The following IQCJ variants were observed in gnomAD, a reference collection of about 807,000 sequenced individuals.
The protein encoded by IQCJ is IQ motif containing J, also known as IQ domain-containing protein J.
In IQCJ, 9 loss-of-function variants were observed where a neutral mutation model predicts 11.0. The ratio of observed to expected loss-of-function variants is 0.82; its 90% confidence interval spans 0.49 to 1.43. The LOEUF (loss-of-function observed/expected upper bound fraction) is 1.43, where lower values mean the gene tolerates loss of function less well. Among genes scored for constraint, IQCJ ranks in the 40% most tolerant of loss-of-function variants. The pLI is 0.00. For missense variants in IQCJ, 146 were observed against 133.2 expected, an observed-to-expected ratio of 1.10 and a Z score of -0.47; for synonymous variants, 55 against 51.3, an observed-to-expected ratio of 1.07 and a Z score of -0.31.
intron 1 of IQCJ, among the ~76,000 whole-genome samples, chr3:159,114,137 G>A (rs1355895889): frequency 6.6e-6 from 1 of 152,160 alleles, no homozygotes; most frequent in Non-Finnish European, 1.5e-5. Context: ...TTTCTGAGTT[G>A]AGGAAGGATG....
chr3:159,144,211 T>C (rs1256550479), intron 1 of IQCJ, among the ~76,000 whole-genome samples: 1 of 152,214 alleles, frequency 6.6e-6, no homozygotes, highest in Non-Finnish European at 1.5e-5. Context: ...ATAGATGAAG[T>C]GACCCAAAGA....
At position 159,166,910 on chromosome 3, in the gene IQCJ, T is replaced by C. The variant is rs1428190217; in HGVS notation, c.10-78933T>C. 5.9e-5 allele frequency among the ~76,000 whole-genome samples: 9 copies of C among 152,322 alleles called. No homozygotes were observed. The South Asian group carries it at 1.0e-3, about 18-fold the overall frequency. On this transcript the variant is annotated intron_variant, in intron 1 of 3. Transcript: ENST00000397832. ...TGGTAAGCTGGGGTAGATACTGTTA[T>C]GGGGCATGTGTCTAATGCATCTGCA...
intron 1 of IQCJ, among the ~76,000 whole-genome samples, chr3:159,073,102 A>G (rs1254814555): frequency 2.0e-5 from 3 of 152,104 alleles, no homozygotes; most frequent in Admixed American, 6.6e-5. Flanking sequence ...ACCCAACCCA[A>G]TGGCAACCTC....
intron 1 of IQCJ, among the ~76,000 whole-genome samples, chr3:159,242,635 T>C (rs1393402706): frequency 1.3e-5 from 2 of 151,746 alleles, no homozygotes; most frequent in African/African-American, 4.8e-5. Context: ...AGTAGACTTA[T>C]GCTCATATTC....
chr3:159,169,286 T>C lies in IQCJ; in HGVS notation c.10-76557T>C, dbSNP rs1350026026. ...CCTTTTCTTTCTTTCTTTCTTTTTT[T>C]TTTTTTTTTTTTTTTTGATGGAGTT... On this transcript the variant is annotated intron_variant, in intron 1 of 3. Coordinates refer to ENST00000397832, the MANE Select transcript of IQCJ (RefSeq NM_001042706.3). Among the ~76,000 whole-genome samples the C allele has an allele frequency of 2.8e-3, 401 of 142,968 alleles. 2 individuals carry two copies. Among genetic ancestry groups the C allele is most frequent in the African/African-American group, 1.0e-2 (384 of 38,526 alleles). 93.8% of individuals were successfully genotyped at this position (142,968 alleles called of 152,430 possible).
chr3:159,164,585 T>C (rs1417545864), intron 1 of IQCJ, among the ~76,000 whole-genome samples: 1 of 152,140 alleles, frequency 6.6e-6, no homozygotes, highest in Non-Finnish European at 1.5e-5. Flanking sequence ...CTAGTCAACA[T>C]GGTGAAACCC....
chr3:159,264,910 C>CA (rs1430027201), downstream of IQCJ, among the ~76,000 whole-genome samples: 16 of 136,186 alleles, frequency 1.2e-4, no homozygotes, highest in South Asian at 1.0e-3. Context: ...GAGGGGAAAA[C>CA]AAAAAAAAAA....
At chr3:159,250,068 T>C (rs142135221) in intron 2 of IQCJ, among the ~76,000 whole-genome samples, 4 of 152,340 alleles carry the variant, frequency 2.6e-5, no homozygotes, top group Admixed American at 1.3e-4. Context: ...TGCCATATTT[T>C]TGTAAATATT....
At chr3:159,223,857 T>C (rs1725690648) in intron 1 of IQCJ, among the ~76,000 whole-genome samples, 2 of 152,118 alleles carry the variant, frequency 1.3e-5, no homozygotes, top group African/African-American at 4.8e-5. Flanking sequence ...CCTCAGGCTA[T>C]GTATGTAAGG....
chr3:159,259,566 C>T (rs543549565), intron 3 of IQCJ, among the ~76,000 whole-genome samples: 6 of 152,106 alleles, frequency 3.9e-5, no homozygotes, highest in Non-Finnish European at 8.8e-5. Context: ...ACTTTAGTTC[C>T]CTCTTACAGT....
At chr3:159,242,406 T>C (rs1726978535) in intron 1 of IQCJ, among the ~76,000 whole-genome samples, 1 of 152,200 alleles carries the variant, frequency 6.6e-6, no homozygotes, top group Admixed American at 6.5e-5. Flanking sequence ...CTCCATGGTT[T>C]CATCAGGGTC....
At chr3:159,229,306 T>C (rs527534319) in intron 1 of IQCJ, among the ~76,000 whole-genome samples, 1 of 152,302 alleles carries the variant, frequency 6.6e-6, no homozygotes, top group Non-Finnish European at 1.5e-5. Context: ...CTTGGCCCTA[T>C]CTAGAATATT....
intron 1 of IQCJ, among the ~76,000 whole-genome samples, chr3:159,083,538 G>T (rs1352467084): frequency 6.6e-6 from 1 of 152,104 alleles, no homozygotes; most frequent in Non-Finnish European, 1.5e-5. Context: ...AACCACTCTA[G>T]AGTAAAATAT....
chr3:159,124,448 C>G (rs747652859), intron 1 of IQCJ, among the ~76,000 whole-genome samples: 29 of 152,104 alleles, frequency 1.9e-4, no homozygotes, highest in Non-Finnish European at 3.8e-4. Flanking sequence ...GTTGTACTGC[C>G]CTCCTCATGG....
In IQCJ at chr3:159,238,856, A is replaced by G. The variant is rs61795165; in HGVS notation, c.10-6987A>G. Among the ~76,000 whole-genome samples, 1,460 of 152,224 alleles carry G rather than the reference A, an allele frequency of 9.6e-3. 14 individuals carry two copies. The highest frequency in any genetic ancestry group is 0.014 in the African/African-American group (568 of 41,554). On this transcript the variant is annotated intron_variant, in intron 1 of 3. Transcript: ENST00000397832. ...AGAGAAGAAGTGTGTGCAGGGGCCA[A>G]TGAGGTGGAGTGGGGAGAGGCAGGC... is the stretch of plus-strand genomic sequence containing the variant.
intron 2 of IQCJ, among the ~76,000 whole-genome samples, chr3:159,249,448 A>G (rs1055776872): frequency 5.9e-5 from 9 of 152,094 alleles, no homozygotes; most frequent in African/African-American, 2.2e-4. Context: ...GGAATTAAAT[A>G]CTTCCTTCAA....
At chr3:159,086,717 T>C (rs1429808770) in intron 1 of IQCJ, among the ~76,000 whole-genome samples, 1 of 152,060 alleles carries the variant, frequency 6.6e-6, no homozygotes, top group Admixed American at 6.5e-5. Context: ...GGCTGTCTGT[T>C]TGTCTGTTAT....
chr3:159,108,549 C>G (rs1718416389), intron 1 of IQCJ, among the ~76,000 whole-genome samples: 1 of 152,050 alleles, frequency 6.6e-6, no homozygotes, highest in South Asian at 2.1e-4. Context: ...GTAAAAATAC[C>G]TTATACTCTA....
rs753287044 is a variant in IQCJ, at chr3:159,168,666, A to AC, written c.10-77171dup. 5.3e-5 allele frequency among the ~76,000 whole-genome samples: 8 copies of AC among 152,070 alleles called. No individual in the cohort carries two copies. The South Asian group carries it at 1.7e-3, about 32-fold the overall frequency. ...TAGTAGTTAAGGACTCTGCATGTCT[A>AC]CCCCCCATTGTTAATGAAACAGCTT... On this transcript the variant is annotated intron_variant, in intron 1 of 3. Transcript: ENST00000397832.
Sources: gnomAD v4.1 joint callset for allele counts (sites outside exome capture counted in the v4.1 genomes callset) on GRCh38, gnomAD v4.1.1 for gene constraint, MANE v1.5 for transcripts, NCBI Gene and HGNC (gene_info 2026-07-23, HGNC 2026-07-21) for gene names.